Variants in INTS7 observed in about 807,000 individuals in gnomAD.
The protein encoded by INTS7 is chromosome 1 open reading frame 73.
Under a neutral mutation model 109.2 loss-of-function variants are expected in INTS7, and 46 were observed. The observed-to-expected ratio is 0.42, with a 90% confidence interval of 0.33 to 0.54. The LOEUF (loss-of-function observed/expected upper bound fraction) is 0.54. INTS7 is among the 20% of genes least tolerant of loss of function. INTS7 has a pLI of 0.07. For synonymous variants in INTS7, 412 were observed against 402.9 expected, an observed-to-expected ratio of 1.02 and a Z score of -0.27; for missense variants, 929 against 1,132.4, an observed-to-expected ratio of 0.82 and a Z score of 2.58.
chr1:211,945,400 GTCAC>G (rs1483735349), intron 18 of INTS7, among the ~76,000 whole-genome samples: 1 of 152,170 alleles, frequency 6.6e-6, no homozygotes, highest in Non-Finnish European at 1.5e-5. Context: ...ACACAACGAA[GTCAC>G]TGTGCTATAA....
intron 1 of INTS7, among the ~76,000 whole-genome samples, chr1:212,025,059 T>C (rs1358041914): frequency 6.6e-6 from 1 of 152,242 alleles, no homozygotes; most frequent in East Asian, 1.9e-4. Flanking sequence ...TCAAACGTGT[T>C]CCCTGTGAGA....
At chr1:211,947,664 C>T (rs950494502) in intron 17 of INTS7, among the ~76,000 whole-genome samples, 1 of 152,186 alleles carries the variant, frequency 6.6e-6, no homozygotes, top group Non-Finnish European at 1.5e-5. Context: ...AGCTGAGGGT[C>T]CCAGCCGCTT....
chr1:212,033,811 GT>G (rs1667280833), intron 1 of INTS7, among the ~76,000 whole-genome samples: 42 of 152,184 alleles, frequency 2.8e-4, no homozygotes, highest in Admixed American at 2.7e-3. Context: ...GCCGGGCGCG[GT>G]GGCTCATGCC....
chr1:212,016,909 A>C lies in INTS7; in HGVS notation c.486T>G (p.Ala162=), dbSNP rs1416776255. ...ACTTTGACTGTGCAGAGAAGTTTGC[A>C]GCAGCAAAAACAGCAGCTTCAACTT... ...NVEVEAAVFA[A]ANFSAQSKDF... Residue 162 remains alanine (A), a synonymous_variant, in exon 4 of 20, where the codon GCT becomes GCG. Transcript: ENST00000366994. 1 of 1,607,726 alleles carries C rather than the reference A, an allele frequency of 6.2e-7. No individual in the cohort carries two copies. The highest frequency in any genetic ancestry group is 8.5e-7 in the Non-Finnish European group (1 of 1,177,878).
intron 7 of INTS7, among the ~76,000 whole-genome samples, chr1:211,989,821 CA>C (rs199523866): frequency 0.06 from 4,100 of 67,994 alleles, 47 homozygotes; most frequent in African/African-American, 0.09. Context: ...GACTCCGTTT[CA>C]AAAAAAAAAA....
At chr1:211,961,027 A>G (rs1390693326) in intron 16 of INTS7, among the ~76,000 whole-genome samples, 1 of 152,098 alleles carries the variant, frequency 6.6e-6, no homozygotes, top group East Asian at 1.9e-4. Flanking sequence ...AAAAGAAAAA[A>G]AAATAGAGAA....
intron 7 of INTS7, among the ~76,000 whole-genome samples, chr1:211,995,331 C>T (rs74939537): frequency 0.026 from 3,969 of 152,224 alleles, 57 homozygotes; most frequent in African/African-American, 0.046. Flanking sequence ...TTATGGTACA[C>T]ATTTTTAAAG....
Position 211,951,482 on chromosome 1 carries a change from A to G in INTS7, c.2316+1087T>C, listed in dbSNP as rs545119929. ...GCCACCATGCCCAGCTAATTTTTGC[A>G]TTTTCAGTAGACACAGGGTTTCACC... On this transcript the variant is annotated intron_variant, in intron 17 of 19. Transcript: ENST00000366994. Among the ~76,000 whole-genome samples the G allele has an allele frequency of 3.3e-5, 5 of 152,120 alleles. No homozygotes were observed. In the South Asian group the frequency reaches 1.0e-3, roughly 32 times the overall value.
chr1:211,984,049 T>C (rs987906300), intron 8 of INTS7, among the ~76,000 whole-genome samples: 44 of 151,876 alleles, frequency 2.9e-4, no homozygotes, highest in African/African-American at 1.1e-3. Context: ...TTTTTTTTTG[T>C]AGAGATGGGT....
Position 211,946,507 on chromosome 1 carries a change from A to C in INTS7, c.2415+100T>G. ...CAAAACAAAACAAAAAAACCAATAA[A>C]CCAAAGGTAACACACTGAAGTGTAG... On this transcript the variant is annotated intron_variant, in intron 18 of 19. Coordinates refer to ENST00000366994, the MANE Select transcript of INTS7 (RefSeq NM_015434.4). This position sits in a 1 kb window ranked among gnomAD's most constrained non-coding sequence, Gnocchi z 4.3. 1.4e-6 allele frequency: 1 copy of C among 693,464 alleles called. No individual in the cohort carries two copies. Among genetic ancestry groups the C allele is most frequent in the Admixed American group, 2.8e-5 (1 of 35,880 alleles). 43.0% of individuals were successfully genotyped at this position (693,464 alleles called of 1,614,324 possible). A position where few individuals can be genotyped will look rare whatever the true frequency, so the allele number is the denominator to read the frequency against.
intron 5 of INTS7, among the ~76,000 whole-genome samples, chr1:212,011,107 T>C (rs958473745): frequency 1.3e-5 from 2 of 152,184 alleles, no homozygotes; most frequent in Non-Finnish European, 2.9e-5. Flanking sequence ...CTCTCACTTT[T>C]TCACCATAGC....
chr1:211,952,344 A>G (rs1663132477), intron 17 of INTS7: 2 of 372,432 alleles, frequency 5.4e-6, no homozygotes, highest in East Asian at 8.7e-5. Context: ...GCAGATTTTT[A>G]TATATTAATA....
chr1:211,986,147 A>G (rs1226151259), intron 8 of INTS7, among the ~76,000 whole-genome samples: 1 of 152,146 alleles, frequency 6.6e-6, no homozygotes, highest in Non-Finnish European at 1.5e-5. Context: ...AACATCCTGA[A>G]AACAAACCCA....
At chr1:212,001,949 A>G (rs1665689427) in intron 7 of INTS7, among the ~76,000 whole-genome samples, 1 of 152,194 alleles carries the variant, frequency 6.6e-6, no homozygotes, top group Non-Finnish European at 1.5e-5. Flanking sequence ...ATAAACTGAC[A>G]ACTCTCATAT....
chr1:211,955,771 T>C (rs1663335395), intron 16 of INTS7, among the ~76,000 whole-genome samples: 2 of 152,352 alleles, frequency 1.3e-5, no homozygotes, highest in South Asian at 4.1e-4. Flanking sequence ...ACCTACAGTT[T>C]ATGCATACGT....
chr1:211,963,275 C>T (rs2102403632), intron 16 of INTS7, among the ~76,000 whole-genome samples: 1 of 152,144 alleles, frequency 6.6e-6, no homozygotes, highest in East Asian at 1.9e-4. Context: ...CACTCTCTCC[C>T]AAGACTGAAC....
intron 1 of INTS7, among the ~76,000 whole-genome samples, chr1:212,032,964 T>C (rs963574766): frequency 2.6e-5 from 4 of 152,224 alleles, no homozygotes; most frequent in African/African-American, 7.2e-5. Flanking sequence ...TCCAGTCCCT[T>C]TCATTGCTTC....
intron 1 of INTS7, among the ~76,000 whole-genome samples, chr1:212,027,861 C>T (rs1037073004): frequency 1.3e-5 from 2 of 151,678 alleles, no homozygotes; most frequent in Non-Finnish European, 2.9e-5. Flanking sequence ...CAGTCTCACT[C>T]TGCCGCCCAG....
At chr1:212,026,551 G>C (rs1666928328) in intron 1 of INTS7, among the ~76,000 whole-genome samples, 1 of 143,572 alleles carries the variant, frequency 7.0e-6, no homozygotes, top group Admixed American at 7.1e-5. Flanking sequence ...ATTCTAAGTA[G>C]CTGGCAGTGT....
Sources: gnomAD v4.1 joint callset for allele counts (sites outside exome capture counted in the v4.1 genomes callset) on GRCh38, gnomAD v4.1.1 for gene constraint, Gnocchi (gnomAD v3.1) non-coding constraint, MANE v1.5 for transcripts, NCBI Gene and HGNC (gene_info 2026-07-23, HGNC 2026-07-21) for gene names.